The following NPC1L1 variants were observed in gnomAD, a reference collection of about 807,000 sequenced individuals.
The protein encoded by NPC1L1 is NPC1-like intracellular cholesterol transporter 1.
A neutral mutation model predicts 117.0 loss-of-function variants in NPC1L1; 98 were observed. That is an observed-to-expected ratio of 0.84 (90% CI 0.71 to 0.99). The LOEUF is 0.99. Among genes scored for constraint, NPC1L1 ranks in the 50% least tolerant of loss-of-function variants. NPC1L1 has a pLI of 0.00. For synonymous variants in NPC1L1, 729 were observed against 727.6 expected (o/e 1.00, Z -0.03); for missense variants, 1,540 against 1,710.0 (o/e 0.90, Z 1.75).
Position 44,539,009 on chromosome 7 carries a change from C to A in NPC1L1, c.1388G>T (p.Arg463Leu). 2 of 1,614,090 alleles carry A rather than the reference C, an allele frequency of 1.2e-6. No homozygotes were observed. Among genetic ancestry groups the A allele is most frequent in the South Asian group, 2.2e-5 (2 of 91,082 alleles). ...HLQVWSPEAQRNISLQDICYA... is the reference protein window; with the variant it reads ...HLQVWSPEAQLNISLQDICYA... The stretch of plus-strand genomic sequence containing the variant: ...GCAGATGTCCTGCAGGGAGATGTTG[C>A]GCTGTGCTTCGGGCGACCATACCTG... Residue 463 changes from arginine (R) to leucine (L), a missense_variant, in exon 2 of 19, where the codon CGC (arginine) becomes CTC (leucine). Physicochemically the swap from Arg to Leu is moderately radical, Grantham distance 102 (BLOSUM62 -2). Transcript: ENST00000381160. This position sits in a 1 kb window ranked among gnomAD's most constrained non-coding sequence, Gnocchi z 4.4.
rs1801793401 is a variant in NPC1L1 at position 44,534,277 on chromosome 7, T to C, written c.2166+170A>G. 6.6e-6 allele frequency among the ~76,000 whole-genome samples: 1 copy of C among 152,172 alleles called. No homozygotes were observed. Among genetic ancestry groups the C allele is most frequent in the African/African-American group, 2.4e-5 (1 of 41,436 alleles). On this transcript the variant is annotated intron_variant, in intron 6 of 18. Transcript: ENST00000381160. The surrounding 1 kb of genome is among the most constrained non-coding windows in gnomAD (Gnocchi z 5.2). ...AGATGGTAGAGGCAGGATGAAGTCA[T>C]TTATGTCAACACACTCTAGTTTCTA... is the stretch of plus-strand genomic sequence containing the variant.
At position 44,539,667 on chromosome 7, in the gene NPC1L1, T is replaced by C; in HGVS notation, c.730A>G (p.Asn244Asp). The stretch of plus-strand genomic sequence containing the variant: ...GCCACGTCGTCACCTTGGGACTCAT[T>C]GCAACGTGCAACCCCCTCATTCAGA... ...QPLNEGVARC[N>D]ESQGDDVATC... The change falls in exon 2 of 19, where the codon AAT becomes GAT. Residue 244 changes from asparagine to aspartate, a missense_variant. Transcript: ENST00000381160. The surrounding 1 kb of genome is among the most constrained non-coding windows in gnomAD (Gnocchi z 4.4). 6.2e-7 allele frequency: 1 copy of C among 1,613,914 alleles called. No individual in the cohort carries two copies.
rs1229720489 is a variant in NPC1L1, at chr7:44,515,848, G to T, written c.3751C>A (p.Leu1251Met). ...GGCAGGAAGACCAAGCCATGCAGCA[G>T]GCCCAGCAGAGTGATCAGGAGGTTG... ...RLNLLITLLG[L>M]LHGLVFLPVI... The change falls in exon 18 of 19, where the codon CTG (leucine) becomes ATG (methionine). Residue 1251 changes from leucine to methionine, a missense_variant. Leu to Met is a conservative substitution (Grantham distance 15, BLOSUM62 2). Around this residue, in one of 3 missense-constraint regions of NPC1L1, gnomAD observed 742 missense variants for 873.6 expected, o/e 0.85. Transcript: ENST00000381160. The T allele has an allele frequency of 6.2e-7, 1 of 1,614,082 alleles. No individual in the cohort carries two copies. Among genetic ancestry groups the T allele is most frequent in the Non-Finnish European group, 8.5e-7 (1 of 1,180,052 alleles).
intron 16 of NPC1L1, among the ~76,000 whole-genome samples, chr7:44,516,404 G>A (rs1274562129): frequency 2.0e-5 from 3 of 152,238 alleles, no homozygotes; most frequent in South Asian, 4.2e-4. Flanking sequence ...AGGAGTTTGA[G>A]ACCAGCCTGG....
In NPC1L1 at chr7:44,516,118, C is replaced by A; in HGVS notation, c.3599G>T (p.Arg1200Met). 1 of 1,612,864 alleles carries A rather than the reference C, an allele frequency of 6.2e-7. No individual in the cohort carries two copies. The highest frequency in any genetic ancestry group is 8.5e-7 in the Non-Finnish European group (1 of 1,179,482). Residue 1200 changes from arginine to methionine, a missense_variant, in exon 17 of 19, where the codon AGG becomes ATG. By Grantham distance (91) the Arg-to-Met change is moderately conservative. Coordinates refer to ENST00000381160, the MANE Select transcript of NPC1L1 (RefSeq NM_001101648.2). ...CATAGAGATGGTGGCCTCTTTGGCC[C>A]TCTCCAGCCAGGTGGGCTTGGTGCT... The part of the protein sequence containing the change: ...AISTKPTWLE[R>M]AKEATISMGS...
chr7:44,536,746 G>T lies in NPC1L1; in HGVS notation c.1681+96C>A, dbSNP rs184850642. 4.0e-5 allele frequency: 45 copies of T among 1,133,206 alleles called. 1 individual carries two copies. In the African/African-American group the frequency reaches 5.5e-4, roughly 14 times the overall value. 70.2% of individuals were successfully genotyped at this position (1,133,206 alleles called of 1,614,324 possible). ...CCAGAAGCCAGGCTACCCCCAGGCC[G>T]CGAGAATCCCCAGCACCACTCCCAC... On this transcript the variant is annotated intron_variant, in intron 3 of 18. Coordinates refer to ENST00000381160, the MANE Select transcript of NPC1L1 (RefSeq NM_001101648.2). The surrounding 1 kb of genome is among the most constrained non-coding windows in gnomAD (Gnocchi z 4.7).
At position 44,536,957 on chromosome 7, in the gene NPC1L1, C is replaced by T. The variant is rs763024166; in HGVS notation, c.1581-15G>A. 6.2e-7 allele frequency: 1 copy of T among 1,610,436 alleles called. No individual in the cohort carries two copies. On this transcript the variant is annotated splice_polypyrimidine_tract_variant and intron_variant, in intron 2 of 18. Coordinates refer to ENST00000381160, the MANE Select transcript of NPC1L1 (RefSeq NM_001101648.2). The surrounding 1 kb of genome is among the most constrained non-coding windows in gnomAD (Gnocchi z 4.7). ...TGAGCGGGGCACTAGAGGGAGATGA[C>T]CGCAAAGGGAAAGGGCCTTTCCTGG...
At chr7:44,521,941 A>G in intron 11 of NPC1L1, 105 bp from the exon 12 acceptor site, 1 of 1,598,924 alleles carries the variant, frequency 6.3e-7, no homozygotes, top group East Asian at 2.2e-5. Context: ...TACGGCAGCA[A>G]GGCAGCAGGG....
rs11763759 is a variant in NPC1L1, at chr7:44,530,468, T to C, written c.2637+1287A>G. ...GAGTTTTGGAGATGGATGGTGGTGA[T>C]AGTTGAATAGTATGAGTGTACTTAA... On this transcript the variant is annotated intron_variant, in intron 10 of 18. Transcript: ENST00000381160. Among the ~76,000 whole-genome samples the C allele has an allele frequency of 0.21, 31,525 of 152,154 alleles. 4,225 individuals are homozygous for C. The highest frequency in any genetic ancestry group is 0.3 in the Non-Finnish European group (20,449 of 67,964).
At chr7:44,520,670 G>A in intron 14 of NPC1L1, 95 bp downstream of exon 14, 2 of 1,071,522 alleles carry the variant, frequency 1.9e-6, no homozygotes, top group Non-Finnish European at 2.9e-6. Context: ...TGACAAAGGA[G>A]GGAGACAACA....
At position 44,535,822 on chromosome 7, in the gene NPC1L1, G is replaced by C. The variant is rs777360931; in HGVS notation, c.1983+18C>G. The C allele has an allele frequency of 6.2e-7, 1 of 1,612,194 alleles. No homozygotes were observed. Among genetic ancestry groups the C allele is most frequent in the Non-Finnish European group, 8.5e-7 (1 of 1,179,856 alleles). On this transcript the variant is annotated intron_variant, in intron 5 of 18. Coordinates refer to ENST00000381160, the MANE Select transcript of NPC1L1 (RefSeq NM_001101648.2). ...GTCCTGGGCTAGCCCACTTAGCTGT[G>C]TCCCTCCCGCTTCTCACCATCACTC...
At chr7:44,515,671 G>A in intron 18 of NPC1L1, 132 bp downstream of exon 18, 3 of 1,090,640 alleles carry the variant, frequency 2.8e-6, no homozygotes, top group Admixed American at 1.8e-5. Context: ...TTGCCACATG[G>A]TCATAGTCCT....
chr7:44,526,885 A>G (rs1371134623), intron 10 of NPC1L1, among the ~76,000 whole-genome samples: 3 of 151,022 alleles, frequency 2.0e-5, no homozygotes, highest in Non-Finnish European at 4.4e-5. Flanking sequence ...TTAGCCTGGC[A>G]TGGTGGCATG....
At position 44,513,403 on chromosome 7, in the gene NPC1L1, C is replaced by G; in HGVS notation, c.*44G>C. The stretch of plus-strand genomic sequence containing the variant: ...AGTCACAAGGAAGATCCCCATAACC[C>G]TTTGGTTCAGGGCCATAGAGCCTAG... On this transcript the variant is annotated 3_prime_UTR_variant, in exon 19 of 19. Transcript: ENST00000381160. 1 of 1,579,310 alleles carries G rather than the reference C, an allele frequency of 6.3e-7. No homozygotes were observed. The highest frequency in any genetic ancestry group is 8.7e-7 in the Non-Finnish European group (1 of 1,148,598).
chr7:44,515,627 C>T lies in NPC1L1; in HGVS notation c.3796+176G>A, dbSNP rs186524513. On this transcript the variant is annotated intron_variant, in intron 18 of 18. Coordinates refer to ENST00000381160, the MANE Select transcript of NPC1L1 (RefSeq NM_001101648.2). ...CTGACAAAAAAAGATGTTCACAGCACATTAAATGAATAATAGTAGCTTCCA... is the reference window on the plus strand; with the variant it reads ...CTGACAAAAAAAGATGTTCACAGCATATTAAATGAATAATAGTAGCTTCCA... 3.0e-3 allele frequency among the ~76,000 whole-genome samples: 451 copies of T among 152,304 alleles called. 2 individuals are homozygous for T. Among genetic ancestry groups the T allele is most frequent in the Admixed American group, 0.028 (428 of 15,284 alleles).
chr7:44,529,381 C>G (rs1329443874), intron 10 of NPC1L1, among the ~76,000 whole-genome samples: 1 of 141,766 alleles, frequency 7.1e-6, no homozygotes, highest in Non-Finnish European at 1.6e-5. Flanking sequence ...ACAAAATATA[C>G]TTTTTTTTTT....
At chr7:44,523,423 G>A (rs1585134305) in intron 10 of NPC1L1, among the ~76,000 whole-genome samples, 1 of 152,304 alleles carries the variant, frequency 6.6e-6, no homozygotes, top group East Asian at 1.9e-4. Flanking sequence ...GGCTTGGACA[G>A]TAAATTGTGG....
At chr7:44,517,467 T>G in intron 14 of NPC1L1, 110 bp from the exon 15 acceptor site, 1 of 1,350,860 alleles carries the variant, frequency 7.4e-7, no homozygotes, top group South Asian at 1.2e-5. Flanking sequence ...CAAGCGGGGT[T>G]CAGGGCTCTG....
At chr7:44,525,846 A>G (rs1585136587) in intron 10 of NPC1L1, among the ~76,000 whole-genome samples, 1 of 152,268 alleles carries the variant, frequency 6.6e-6, no homozygotes, top group South Asian at 2.1e-4. Context: ...CTTGAAGCCC[A>G]GATGGCAGTG....
Sources: gnomAD v4.1 joint callset for allele counts (sites outside exome capture counted in the v4.1 genomes callset) on GRCh38, gnomAD v4.1.1 for gene constraint, gnomAD v4.1.1 regional missense constraint, Gnocchi (gnomAD v3.1) non-coding constraint, MANE v1.5 for transcripts, NCBI Gene and HGNC (gene_info 2026-07-23, HGNC 2026-07-21) for gene names.